RGS7: variants seen among roughly 807,000 people sequenced by gnomAD.
The protein encoded by RGS7 is regulator of G-protein signaling 7.
A neutral mutation model predicts 81.1 loss-of-function variants in RGS7; 27 were observed. The ratio of observed to expected loss-of-function variants is 0.33; its 90% CI spans 0.25 to 0.46. The LOEUF (loss-of-function observed/expected upper bound fraction) is 0.46. RGS7 is among the 20% of genes least tolerant of loss of function. The pLI is 1.00. For missense variants in RGS7, 396 were observed against 607.4 expected (o/e 0.65, Z 3.66); for synonymous variants, 208 against 207.7 (o/e 1.00, Z -0.01).
At position 241,030,373 on chromosome 1, in the gene RGS7, TAC is replaced by T. The variant is rs1553393985; in HGVS notation, c.176-47246_176-47245del. 1.3e-4 allele frequency among the ~76,000 whole-genome samples: 18 copies of T among 135,158 alleles called. 2 individuals carry two copies. The highest frequency in any genetic ancestry group is 2.8e-4 in the African/African-American group (10 of 35,252). The allele number at this position is 135,158 out of a possible 152,430, so 88.7% of individuals were successfully genotyped here. On this transcript the variant is annotated intron_variant, in intron 3 of 18. Coordinates refer to ENST00000440928, the MANE Select transcript of RGS7 (RefSeq NM_001364886.1). ...CCAGAACTTATAGCATATATATATATACATACACACATACATACACACACACA... is the reference window on the plus strand; with the variant it reads ...CCAGAACTTATAGCATATATATATATATACACACATACATACACACACACA...
intron 2 of RGS7, among the ~76,000 whole-genome samples, chr1:241,303,404 A>G (rs1326187118): frequency 1.3e-5 from 2 of 152,156 alleles, no homozygotes; most frequent in African/African-American, 4.8e-5. Flanking sequence ...TACTTCCTGT[A>G]TAGTCTGCAG....
intron 3 of RGS7, among the ~76,000 whole-genome samples, chr1:241,069,064 T>C (rs571355572): frequency 3.2e-4 from 48 of 152,282 alleles, no homozygotes; most frequent in Admixed American, 2.2e-3. Flanking sequence ...AGCAGATGCC[T>C]CCATGCTTCC....
intron 18 of RGS7, among the ~76,000 whole-genome samples, chr1:240,778,577 G>C (rs1015242061): frequency 2.0e-5 from 3 of 152,188 alleles, no homozygotes; most frequent in African/African-American, 7.2e-5. Flanking sequence ...TCCGTCGTCA[G>C]GCTGAAGTGC....
intron 2 of RGS7, among the ~76,000 whole-genome samples, chr1:241,273,716 G>A (rs138856090): frequency 5.3e-5 from 8 of 152,146 alleles, no homozygotes; most frequent in Non-Finnish European, 1.0e-4. Flanking sequence ...GGCCTAAAGT[G>A]CCTCAAAGGG....
intron 2 of RGS7, among the ~76,000 whole-genome samples, chr1:241,201,681 AT>A (rs142630611): frequency 2.7e-4 from 41 of 152,276 alleles, no homozygotes; most frequent in Non-Finnish European, 5.1e-4. Flanking sequence ...TGTGTCAAGC[AT>A]TTGAATAGGT....
Position 240,936,655 on chromosome 1 carries a change from G to T in RGS7, c.278C>A (p.Pro93Gln). ...GAGTGTGAGGACATGATCTGAGATT[G>T]GAAAGAAGTAGCCGTGGGCAGCCAT... is the stretch of plus-strand genomic sequence containing the variant. ...TLMAAHGYFF[P>Q]ISDHVLTLKD... Residue 93 changes from proline to glutamine, a missense_variant, in exon 5 of 19, where the codon CCA becomes CAA. Physicochemically the swap from Pro to Gln is moderately conservative, Grantham distance 76. Coordinates refer to ENST00000440928, the MANE Select transcript of RGS7 (RefSeq NM_001364886.1). 6.2e-7 allele frequency: 1 copy of T among 1,614,110 alleles called. No homozygotes were observed. Among genetic ancestry groups the T allele is most frequent in the Non-Finnish European group, 8.5e-7 (1 of 1,179,998 alleles).
At chr1:241,277,652 C>T (rs538714110) in intron 2 of RGS7, among the ~76,000 whole-genome samples, 1 of 151,132 alleles carries the variant, frequency 6.6e-6, no homozygotes, top group African/African-American at 2.4e-5. Context: ...GCACTTTGAA[C>T]AAGCCAGGGT....
intron 9 of RGS7, among the ~76,000 whole-genome samples, chr1:240,837,042 G>A (rs1694839180): frequency 6.6e-6 from 1 of 152,154 alleles, no homozygotes; most frequent in South Asian, 2.1e-4. Flanking sequence ...GCAACCAAGA[G>A]GACTCTAACC....
chr1:241,294,339 G>C (rs1180232681), intron 2 of RGS7, among the ~76,000 whole-genome samples: 5 of 152,196 alleles, frequency 3.3e-5, no homozygotes, highest in Admixed American at 1.3e-4. Context: ...TTAAAACCTA[G>C]ACGATGGGTT....
At chr1:241,040,741 C>T (rs1395449162) in intron 3 of RGS7, among the ~76,000 whole-genome samples, 3 of 152,150 alleles carry the variant, frequency 2.0e-5, no homozygotes, top group South Asian at 2.1e-4. Flanking sequence ...CCGCCCACCT[C>T]GGCCTCCCAA....
chr1:241,146,649 T>G (rs550911531), intron 2 of RGS7, among the ~76,000 whole-genome samples: 39 of 152,336 alleles, frequency 2.6e-4, no homozygotes, highest in South Asian at 4.1e-4. Flanking sequence ...AATAAAATGT[T>G]ATCTTCTTTC....
chr1:241,058,998 G>A (rs1402015572), intron 3 of RGS7, among the ~76,000 whole-genome samples: 7 of 152,110 alleles, frequency 4.6e-5, no homozygotes, highest in African/African-American at 7.2e-5. Context: ...AACACACTTC[G>A]AAAGGCATTT....
chr1:240,813,042 T>A (rs1256309143), intron 13 of RGS7, among the ~76,000 whole-genome samples: 3 of 152,292 alleles, frequency 2.0e-5, no homozygotes, highest in African/African-American at 7.2e-5. Context: ...ATCTTTTCTT[T>A]GTAAAGTGAT....
chr1:241,351,652 A>G (rs544317018), intron 2 of RGS7, among the ~76,000 whole-genome samples: 1 of 152,310 alleles, frequency 6.6e-6, no homozygotes, highest in Non-Finnish European at 1.5e-5. Context: ...AGAAAAAATA[A>G]AAACAAACGA....
At position 241,144,501 on chromosome 1, in the gene RGS7, T is replaced by C. The variant is rs186569469; in HGVS notation, c.79-45739A>G. The stretch of plus-strand genomic sequence containing the variant: ...AGATTCCCCCTTCCTTGGGAAGCCA[T>C]AAATGCAACGTTTCACTGAGCAGCA... On this transcript the variant is annotated intron_variant, in intron 2 of 18. Transcript: ENST00000440928. The surrounding 1 kb of genome is among the most constrained non-coding windows in gnomAD (Gnocchi z 4.7). Among the ~76,000 whole-genome samples, 1 of 152,262 alleles carries C rather than the reference T, an allele frequency of 6.6e-6. No homozygotes were observed. The highest frequency in any genetic ancestry group is 2.4e-5 in the African/African-American group (1 of 41,558).
In RGS7 at chr1:240,921,264, G is replaced by A. The variant is rs559756114; in HGVS notation, c.385+9453C>T. Among the ~76,000 whole-genome samples, 7 of 152,076 alleles carry A rather than the reference G, an allele frequency of 4.6e-5. No homozygotes were observed. In the South Asian group the frequency reaches 1.5e-3, roughly 32 times the overall value. On this transcript the variant is annotated intron_variant, in intron 6 of 18. Transcript: ENST00000440928. ...AATAATGGTACCAGAAAAAACTATA[G>A]ATGGGAATGAAGATTGTGTAACATC...
chr1:241,099,985 G>C (rs746309189), intron 2 of RGS7, among the ~76,000 whole-genome samples: 7 of 151,372 alleles, frequency 4.6e-5, no homozygotes, highest in Non-Finnish European at 1.0e-4. Flanking sequence ...GAGTGTATGG[G>C]AATTCTGTTA....
chr1:241,090,764 T>G (rs2063820724), intron 3 of RGS7, among the ~76,000 whole-genome samples: 1 of 152,174 alleles, frequency 6.6e-6, no homozygotes, highest in South Asian at 2.1e-4. Context: ...GTGAAAAAAC[T>G]ATAGTGGGTT....
At chr1:241,314,224 T>A (rs1274106852) in intron 2 of RGS7, among the ~76,000 whole-genome samples, 3 of 152,200 alleles carry the variant, frequency 2.0e-5, no homozygotes, top group Admixed American at 1.3e-4. Flanking sequence ...GGAGAAATCT[T>A]TCGTGAAAGA....
Sources: gnomAD v4.1 joint callset for allele counts (sites outside exome capture counted in the v4.1 genomes callset) on GRCh38, gnomAD v4.1.1 for gene constraint, Gnocchi (gnomAD v3.1) non-coding constraint, MANE v1.5 for transcripts, NCBI Gene and HGNC (gene_info 2026-07-23, HGNC 2026-07-21) for gene names.